RGPD1: variants seen among roughly 807,000 people sequenced by gnomAD.
RGPD1 encodes RANBP2-like and GRIP domain-containing protein 1.
In RGPD1, 7 loss-of-function variants were observed where a neutral mutation model predicts 40.6. The ratio of observed to expected loss-of-function variants is 0.17; its 90% CI spans 0.10 to 0.32. The LOEUF is 0.32. Among genes scored for constraint, RGPD1 ranks in the 10% least tolerant of loss-of-function variants. RGPD1 has a pLI of 1.00. For missense variants in RGPD1, 50 were observed against 472.5 expected (o/e 0.11, Z 8.29); for synonymous variants, 24 against 167.0 (o/e 0.14, Z 6.60).
At position 86,930,528 on chromosome 2, in the gene RGPD1, C is replaced by T. The variant is rs549828388; in HGVS notation, c.72+16607C>T. On this transcript the variant is annotated intron_variant, in intron 1 of 22. Transcript: ENST00000398193. Reference sequence around the variant, plus strand: ...CAGCCTGAGTTTAGCTCGTCGGTGGCGGAAGGCCCAACAGCAGCTAAAGAG... The same window carrying T: ...CAGCCTGAGTTTAGCTCGTCGGTGGTGGAAGGCCCAACAGCAGCTAAAGAG... 57 of 1,564,904 alleles carry T rather than the reference C, an allele frequency of 3.6e-5. 3 individuals are homozygous for T. In the East Asian group the frequency reaches 9.4e-4, roughly 26 times the overall value.
At chr2:86,997,091 T>C (rs1681808858) in intron 21 of RGPD1, among the ~76,000 whole-genome samples, 1 of 150,044 alleles carries the variant, frequency 6.7e-6, no homozygotes, top group African/African-American at 2.5e-5. Context: ...CCTCTCCTCT[T>C]GTCAGTGATA....
intron 22 of RGPD1, among the ~76,000 whole-genome samples, chr2:87,009,120 A>G (rs1039151589): frequency 1.6e-5 from 2 of 128,160 alleles, no homozygotes; most frequent in African/African-American, 6.1e-5. Context: ...CCTGGCTAAC[A>G]CGGTGAAACC....
intron 1 of RGPD1, among the ~76,000 whole-genome samples, chr2:86,943,871 G>A (rs553348888): frequency 5.2e-4 from 79 of 151,948 alleles, no homozygotes; most frequent in Non-Finnish European, 9.6e-4. Flanking sequence ...AAAGTTAGCC[G>A]GGCGTGGTGG....
intron 1 of RGPD1, among the ~76,000 whole-genome samples, chr2:86,914,708 CCTCGACCT>C (rs1677690963): frequency 3.3e-5 from 1 of 30,298 alleles, no homozygotes; most frequent in Non-Finnish European, 6.2e-5. Flanking sequence ...GCGGCGGCGG[CCTCGACCT>C]GGCCGGGCGG....
chr2:86,930,880 G>A lies in RGPD1; in HGVS notation c.72+16959G>A, dbSNP rs535136423. On this transcript the variant is annotated intron_variant, in intron 1 of 22. Transcript: ENST00000398193. Reference sequence around the variant, plus strand: ...TCTTCGCTGAGGCCACCATCACTCCGCGGCCGGAGCTTCCATCCCCAGAGC... The same window carrying A: ...TCTTCGCTGAGGCCACCATCACTCCACGGCCGGAGCTTCCATCCCCAGAGC... 4.1e-5 allele frequency: 24 copies of A among 590,212 alleles called. 1 individual carries two copies. Among genetic ancestry groups the A allele is most frequent in the East Asian group, 2.1e-4 (7 of 34,096 alleles). The allele number at this position is 590,212 out of a possible 1,614,324, so 36.6% of individuals were successfully genotyped here.
chr2:86,931,788 T>G (rs1369743852), intron 1 of RGPD1, among the ~76,000 whole-genome samples: 4 of 149,886 alleles, frequency 2.7e-5, no homozygotes, highest in African/African-American at 9.8e-5. Flanking sequence ...TCACAGTCTA[T>G]TCATAAAGTT....
upstream of RGPD1, among the ~76,000 whole-genome samples, chr2:86,941,235 G>A (rs1429943431): frequency 2.0e-5 from 3 of 150,236 alleles, no homozygotes; most frequent in Non-Finnish European, 4.5e-5. Context: ...TGTTTTAAAA[G>A]TAAGATTTTA....
intron 1 of RGPD1, among the ~76,000 whole-genome samples, chr2:86,935,597 A>C (rs1486774450): frequency 8.1e-6 from 1 of 123,428 alleles, no homozygotes; most frequent in Admixed American, 7.9e-5. Context: ...ATTTTCTGAG[A>C]TTTGTTTCTG....
At chr2:86,918,313 TCTC>T (rs1558781722) in intron 1 of RGPD1, among the ~76,000 whole-genome samples, 2 of 150,486 alleles carry the variant, frequency 1.3e-5, no homozygotes, top group East Asian at 2.0e-4. Context: ...GTATTGGTGA[TCTC>T]CTTCTAGCTT....
rs570567006 is a variant in RGPD1, at chr2:86,930,128, A to C, written c.72+16207A>C. ...CCGGAGTCGCCAGTTAAACGGCGAT[A>C]GCGGCAGGAGGGGGGTGTGGGGGCA... On this transcript the variant is annotated intron_variant, in intron 1 of 22. Coordinates refer to the RGPD1 transcript ENST00000398193. 8.6e-6 allele frequency: 13 copies of C among 1,520,318 alleles called. No homozygotes were observed. The African/African-American group carries it at 1.5e-4, about 18-fold the overall frequency. 94.2% of individuals were successfully genotyped at this position (1,520,318 alleles called of 1,614,324 possible).
intron 1 of RGPD1, among the ~76,000 whole-genome samples, chr2:86,928,210 C>A (rs1424467905): frequency 6.7e-6 from 1 of 150,340 alleles, no homozygotes; most frequent in Non-Finnish European, 1.5e-5. Flanking sequence ...AGCCCTGATA[C>A]AAGACAACAA....
At chr2:86,942,334 GGCCTCGACCTGGCCGGGCGGC>G in intron 1 of RGPD1, 26 bp downstream of exon 1, 1 of 972,338 alleles carries the variant, frequency 1.0e-6, no homozygotes, top group Non-Finnish European at 1.3e-6. Context: ...AGAGACCGAC[GGCCTCGACCTGGCCGGGCGGC>G]GGCCTCGACC....
At chr2:86,946,214 A>G (rs2104782636) in intron 1 of RGPD1, among the ~76,000 whole-genome samples, 1 of 123,206 alleles carries the variant, frequency 8.1e-6, no homozygotes, top group East Asian at 2.8e-4. Flanking sequence ...AGTAACACAC[A>G]CATATACTTT....
At position 86,960,646 on chromosome 2, in the gene RGPD1, G is replaced by A. The variant is rs1341713141; in HGVS notation, c.779+2219G>A. Among the ~76,000 whole-genome samples, 2 of 124,322 alleles carry A rather than the reference G, an allele frequency of 1.6e-5. 1 individual carries two copies. Among genetic ancestry groups the A allele is most frequent in the African/African-American group, 8.2e-5 (2 of 24,264 alleles). The allele number at this position is 124,322 out of a possible 152,430, so 81.6% of individuals were successfully genotyped here. On this transcript the variant is annotated intron_variant, in intron 6 of 22. Transcript: ENST00000641458. ...GCTCTGTTGCCCAGGCTGGAGTGCA[G>A]TGGTGCCATCTCGGCTCACTGCAAG... is the stretch of plus-strand genomic sequence containing the variant.
chr2:86,954,936 C>T (rs1359600542), intron 4 of RGPD1, among the ~76,000 whole-genome samples: 1 of 60,836 alleles, frequency 1.6e-5, no homozygotes, highest in African/African-American at 5.4e-5. Flanking sequence ...TGTTCTCCAT[C>T]TTTATACTTT....
At chr2:86,962,413 C>T (rs1329281263) in intron 6 of RGPD1, among the ~76,000 whole-genome samples, 1 of 102,566 alleles carries the variant, frequency 9.7e-6, no homozygotes, top group African/African-American at 6.6e-5. Context: ...GAGGCTGAGT[C>T]AGGAGAATCA....
chr2:86,925,011 A>G (rs1417658296), intron 1 of RGPD1, among the ~76,000 whole-genome samples: 2 of 152,062 alleles, frequency 1.3e-5, no homozygotes, highest in South Asian at 2.1e-4. Context: ...AGTCCTAGCT[A>G]CTTGGAGGCT....
chr2:86,928,387 T>G (rs1302076395), intron 1 of RGPD1, among the ~76,000 whole-genome samples: 4 of 152,160 alleles, frequency 2.6e-5, no homozygotes, highest in Admixed American at 6.5e-5. Context: ...GTATAGGGCC[T>G]TGTGAGCCAT....
Position 86,918,162 on chromosome 2 carries a change from C to T in RGPD1, c.72+4241C>T, listed in dbSNP as rs371219226. Among the ~76,000 whole-genome samples, 9 of 150,832 alleles carry T rather than the reference C, an allele frequency of 6.0e-5. No homozygotes were observed. In the East Asian group the frequency reaches 9.7e-4, roughly 16 times the overall value. Reference sequence around the variant, plus strand: ...TGAGGGAGATTTAAAGTACTTTAGCCGAGTACTATACCATCTACTCTGTAC... The same window carrying T: ...TGAGGGAGATTTAAAGTACTTTAGCTGAGTACTATACCATCTACTCTGTAC... On this transcript the variant is annotated intron_variant, in intron 1 of 22. Coordinates refer to the RGPD1 transcript ENST00000398193.
Sources: allele counts gnomAD v4.1 joint callset (sites outside exome capture counted in the v4.1 genomes callset), GRCh38; gene constraint gnomAD v4.1.1; transcripts MANE v1.5; gene names NCBI Gene and HGNC (gene_info 2026-07-23, HGNC 2026-07-21).